VPS8: variants seen among roughly 807,000 people sequenced by gnomAD.
VPS8 encodes vacuolar protein sorting-associated protein 8 homolog.
Under a neutral mutation model 216.4 loss-of-function variants are expected in VPS8, and 129 were observed. That is an observed-to-expected ratio of 0.60 (90% CI 0.52 to 0.69). The LOEUF (loss-of-function observed/expected upper bound fraction) is 0.69. VPS8 is among the 30% of genes least tolerant of loss of function. The pLI, the probability that VPS8 is intolerant of heterozygous loss-of-function variation, is 0.00. For synonymous variants in VPS8, 571 were observed against 565.4 expected (o/e 1.01, Z -0.14); for missense variants, 1,531 against 1,683.5 (o/e 0.91, Z 1.59).
At chr3:184,893,526 C>A in intron 22 of VPS8, 1 of 449,268 alleles carries the variant, frequency 2.2e-6, no homozygotes, top group Non-Finnish European at 3.1e-6. Context: ...TTCAATTTTG[C>A]TGGTCATAAA....
At chr3:184,907,181 T>C (rs1735655475) in intron 25 of VPS8, among the ~76,000 whole-genome samples, 1 of 152,206 alleles carries the variant, frequency 6.6e-6, no homozygotes, top group South Asian at 2.1e-4. Flanking sequence ...AGTGAGGGCT[T>C]CCAGGTTAGA....
At chr3:185,040,975 G>A (rs1711509482) in intron 46 of VPS8, among the ~76,000 whole-genome samples, 1 of 152,160 alleles carries the variant, frequency 6.6e-6, no homozygotes, top group Non-Finnish European at 1.5e-5. Flanking sequence ...GGCCAAGGCG[G>A]GCAGAATACC....
At chr3:185,016,982 C>A (rs544408669) in intron 45 of VPS8, among the ~76,000 whole-genome samples, 1 of 151,784 alleles carries the variant, frequency 6.6e-6, no homozygotes, top group Non-Finnish European at 1.5e-5. Flanking sequence ...CTGCTTGAAG[C>A]GGTTCCTTCA....
chr3:184,957,444 T>C lies in VPS8; in HGVS notation c.3106T>C (p.Leu1036=). 2 of 1,612,638 alleles carry C rather than the reference T, an allele frequency of 1.2e-6. No homozygotes were observed. The highest frequency in any genetic ancestry group is 1.3e-5 in the African/African-American group (1 of 75,002). Reference sequence around the variant, plus strand: ...TATCACAGAGCAGTTCATTGAGCTGTTGTGTCAGTTCAACCCAACCCAAGT... The same window carrying C: ...TATCACAGAGCAGTTCATTGAGCTGCTGTGTCAGTTCAACCCAACCCAAGT... The part of the protein sequence containing the change: ...PCITEQFIEL[L]CQFNPTQVIE... Residue 1036 remains leucine, a synonymous_variant, in exon 37 of 48, where the codon TTG becomes CTG. Transcript: ENST00000625842.
chr3:185,033,552 A>G (rs533681399), intron 46 of VPS8, among the ~76,000 whole-genome samples: 98 of 152,340 alleles, frequency 6.4e-4, no homozygotes, highest in Non-Finnish European at 1.3e-3. Flanking sequence ...AGTTGCTTCT[A>G]TGTTTTGACA....
At chr3:185,051,077 G>A (rs932242100) in intron 47 of VPS8, among the ~76,000 whole-genome samples, 7 of 152,044 alleles carry the variant, frequency 4.6e-5, no homozygotes, top group Non-Finnish European at 1.0e-4. Flanking sequence ...ACCATCAAGG[G>A]CACCTCAAGA....
intron 45 of VPS8, among the ~76,000 whole-genome samples, chr3:185,014,187 T>C (rs1029892896): frequency 1.3e-5 from 2 of 152,246 alleles, no homozygotes; most frequent in African/African-American, 4.8e-5. Flanking sequence ...TAATCACCAC[T>C]ATCATAGCTA....
At chr3:184,923,090 T>A (rs1738935964) in intron 29 of VPS8, among the ~76,000 whole-genome samples, 1 of 152,084 alleles carries the variant, frequency 6.6e-6, no homozygotes, top group Non-Finnish European at 1.5e-5. Context: ...ATGCAAGAAG[T>A]AGGTCAAAAG....
chr3:184,970,919 A>G (rs1038569280), intron 39 of VPS8, among the ~76,000 whole-genome samples: 4 of 152,226 alleles, frequency 2.6e-5, no homozygotes, highest in African/African-American at 9.7e-5. Context: ...AGAATCAACA[A>G]ATATTCGCAA....
chr3:184,947,181 A>AGAATGTTAT (rs1743831476), intron 36 of VPS8, among the ~76,000 whole-genome samples: 1 of 152,176 alleles, frequency 6.6e-6, no homozygotes, highest in Non-Finnish European at 1.5e-5. Context: ...TCTCCAGTAA[A>AGAATGTTAT]GAATGTTATG....
chr3:184,907,558 C>G (rs116213935), intron 25 of VPS8, among the ~76,000 whole-genome samples: 11 of 152,322 alleles, frequency 7.2e-5, no homozygotes, highest in Admixed American at 4.6e-4. Flanking sequence ...ACAAGTCTCT[C>G]CCAGCATATG....
intron 36 of VPS8, among the ~76,000 whole-genome samples, chr3:184,946,448 A>T (rs1743684475): frequency 6.6e-6 from 1 of 152,216 alleles, no homozygotes; most frequent in Non-Finnish European, 1.5e-5. Context: ...GATTTCTCTC[A>T]CCGTCATCAT....
At chr3:184,847,059 T>G (rs1472041549) in intron 8 of VPS8, among the ~76,000 whole-genome samples, 5 of 152,220 alleles carry the variant, frequency 3.3e-5, no homozygotes, top group Non-Finnish European at 4.4e-5. Flanking sequence ...TATCTGTAGT[T>G]GTAAAATTCT....
chr3:185,008,189 C>T (rs748935046), intron 45 of VPS8, among the ~76,000 whole-genome samples: 5 of 152,040 alleles, frequency 3.3e-5, no homozygotes, highest in African/African-American at 7.2e-5. Flanking sequence ...TACATAGAGA[C>T]GATTGATCAT....
At chr3:184,831,197 C>A (rs1719909988) in intron 3 of VPS8, among the ~76,000 whole-genome samples, 1 of 152,158 alleles carries the variant, frequency 6.6e-6, no homozygotes, top group African/African-American at 2.4e-5. Context: ...GGCGTGGTGG[C>A]ATGCACCTGT....
intron 46 of VPS8, among the ~76,000 whole-genome samples, chr3:185,042,692 C>T (rs1480965786): frequency 6.6e-6 from 1 of 152,198 alleles, no homozygotes; most frequent in East Asian, 1.9e-4. Flanking sequence ...CCCTTTCCAA[C>T]CCTGTCAAGA....
At chr3:184,903,478 G>A (rs1230623450) in intron 25 of VPS8, among the ~76,000 whole-genome samples, 1 of 152,120 alleles carries the variant, frequency 6.6e-6, no homozygotes, top group East Asian at 1.9e-4. Flanking sequence ...TAGAGACGGA[G>A]TCTCACTCTG....
intron 42 of VPS8, 126 bp downstream of exon 42, chr3:184,983,220 GCTAAATAT>G: frequency 1.3e-6 from 1 of 741,004 alleles, no homozygotes. Flanking sequence ...TTTGGCAATA[GCTAAATAT>G]CTAAATATCT....
At position 184,939,780 on chromosome 3, in the gene VPS8, G is replaced by A. The variant is rs193252978; in HGVS notation, c.2989-417G>A. On this transcript the variant is annotated intron_variant, in intron 35 of 47. Transcript: ENST00000625842. Reference sequence around the variant, plus strand: ...GGACCTCAAACTCCCACCCTCCCTGGATGAACTATCTCACAGCAACCCATT... The same window carrying A: ...GGACCTCAAACTCCCACCCTCCCTGAATGAACTATCTCACAGCAACCCATT... 2.6e-5 allele frequency among the ~76,000 whole-genome samples: 4 copies of A among 152,190 alleles called. No homozygotes were observed. The East Asian group carries it at 7.7e-4, about 29-fold the overall frequency.
Sources: gnomAD v4.1 joint callset for allele counts (sites outside exome capture counted in the v4.1 genomes callset) on GRCh38, gnomAD v4.1.1 for gene constraint, MANE v1.5 for transcripts, NCBI Gene and HGNC (gene_info 2026-07-23, HGNC 2026-07-21) for gene names.